DPP6: variants seen among roughly 807,000 people sequenced by gnomAD.
The protein encoded by DPP6 is A-type potassium channel modulatory protein DPP6.
A neutral mutation model predicts 122.6 loss-of-function variants in DPP6; 69 were observed. The observed-to-expected ratio is 0.56, with a 90% CI of 0.46 to 0.69. The LOEUF is 0.69. Ranked by LOEUF, DPP6 falls within the 30% of genes least tolerant of loss-of-function variation. The probability of loss-of-function intolerance (pLI) is 0.00; values close to 1 mark genes in which losing one functional copy is unlikely to be tolerated. For missense variants in DPP6, 928 were observed against 1,116.9 expected, an observed-to-expected ratio of 0.83 and a Z score of 2.41; for synonymous variants, 418 against 433.1, an observed-to-expected ratio of 0.97 and a Z score of 0.43.
chr7:154,064,436 A>G (rs1185641278), intron 1 of DPP6, among the ~76,000 whole-genome samples: 1 of 152,182 alleles, frequency 6.6e-6, no homozygotes, highest in Non-Finnish European at 1.5e-5. Context: ...TGTCTTGGTC[A>G]GTTTTCTTTC....
chr7:154,757,748 C>A (rs2131496441), intron 8 of DPP6, among the ~76,000 whole-genome samples: 1 of 152,326 alleles, frequency 6.6e-6, no homozygotes, highest in East Asian at 1.9e-4. Context: ...TGGAAAATCT[C>A]CGGCACACGG....
intron 1 of DPP6, among the ~76,000 whole-genome samples, chr7:154,013,154 C>G (rs899713940): frequency 1.3e-5 from 2 of 152,232 alleles, no homozygotes; most frequent in Non-Finnish European, 2.9e-5. Context: ...CTCATGCTTC[C>G]CCCTTCACCT....
At chr7:153,762,947 A>T in the DPP6 span, among the ~76,000 whole-genome samples, 1 of 152,174 alleles carries the variant, frequency 6.6e-6, no homozygotes, top group African/African-American at 2.4e-5. Flanking sequence ...TCTTTTGGAA[A>T]CTTGAACAAA....
At chr7:154,200,849 C>A (rs917784190) in intron 1 of DPP6, among the ~76,000 whole-genome samples, 2 of 152,122 alleles carry the variant, frequency 1.3e-5, no homozygotes, top group Non-Finnish European at 2.9e-5. Flanking sequence ...ATTAATTGAA[C>A]AAATGCTGTC....
At chr7:154,130,979 A>G (rs1162458024) in intron 1 of DPP6, among the ~76,000 whole-genome samples, 5 of 152,136 alleles carry the variant, frequency 3.3e-5, no homozygotes, top group Admixed American at 6.5e-5. Flanking sequence ...GTCAACATGA[A>G]CATAAACCAG....
At chr7:154,248,727 G>A (rs1383202306) in intron 1 of DPP6, among the ~76,000 whole-genome samples, 1 of 152,122 alleles carries the variant, frequency 6.6e-6, no homozygotes, top group Non-Finnish European at 1.5e-5. Context: ...CTAGCCGGAT[G>A]TGGTGGTGTG....
At chr7:153,974,630 G>A (rs936726674) in intron 1 of DPP6, among the ~76,000 whole-genome samples, 8 of 152,286 alleles carry the variant, frequency 5.3e-5, no homozygotes, top group African/African-American at 1.9e-4. Context: ...ATTCTCTCCT[G>A]TTGTCTCCAA....
chr7:154,492,587 T>C (rs57451233), intron 3 of DPP6, among the ~76,000 whole-genome samples: 1 of 152,138 alleles, frequency 6.6e-6, no homozygotes, highest in Non-Finnish European at 1.5e-5. Context: ...CCGGGTGTTA[T>C]GAGTACATCA....
At chr7:153,960,666 G>GGTGTGTAT (rs965394915) in intron 1 of DPP6, among the ~76,000 whole-genome samples, 3 of 96,752 alleles carry the variant, frequency 3.1e-5, no homozygotes, top group Non-Finnish European at 6.6e-5. Flanking sequence ...TGTGTGTGCG[G>GGTGTGTAT]GTGTGTATGT....
At chr7:153,980,280 G>A (rs143128804) in intron 1 of DPP6, among the ~76,000 whole-genome samples, 9,008 of 152,134 alleles carry the variant, frequency 0.059, 894 homozygotes, top group African/African-American at 0.2. Context: ...TTGGGAGGGT[G>A]TATGTGTCCA....
In DPP6 at chr7:154,809,101, T is replaced by A. The variant is rs112668820; in HGVS notation, c.1666+1989T>A. 4.4e-3 allele frequency among the ~76,000 whole-genome samples: 668 copies of A among 152,280 alleles called. 2 individuals carry two copies. The highest frequency in any genetic ancestry group is 0.015 in the African/African-American group (631 of 41,570). Reference sequence around the variant, plus strand: ...TTCTTACTATAACCAGCAAGAAGGGTCTGGCTTCTCACCGTTCATGGAAAG... The same window carrying A: ...TTCTTACTATAACCAGCAAGAAGGGACTGGCTTCTCACCGTTCATGGAAAG... On this transcript the variant is annotated intron_variant, in intron 16 of 25. Coordinates refer to ENST00000377770, the MANE Select transcript of DPP6 (RefSeq NM_130797.4).
At chr7:154,059,938 C>A (rs1252097410) in intron 1 of DPP6, among the ~76,000 whole-genome samples, 1 of 152,030 alleles carries the variant, frequency 6.6e-6, no homozygotes. Context: ...AAAACCTGAA[C>A]ATAAAGGGCC....
chr7:153,934,248 C>T (rs377532601), intron 1 of DPP6, among the ~76,000 whole-genome samples: 7 of 152,188 alleles, frequency 4.6e-5, no homozygotes, highest in East Asian at 1.9e-4. Context: ...GGCAGGTGAG[C>T]GAGCTGTGGC....
chr7:154,118,323 T>C (rs1370414478), intron 1 of DPP6, among the ~76,000 whole-genome samples: 1 of 149,480 alleles, frequency 6.7e-6, no homozygotes, highest in Non-Finnish European at 1.5e-5. Flanking sequence ...CATGACAACA[T>C]ATTAGCTTTT....
chr7:153,771,698 C>T, the DPP6 span, among the ~76,000 whole-genome samples: 2 of 152,000 alleles, frequency 1.3e-5, no homozygotes, highest in Admixed American at 6.6e-5. Context: ...GAATTTTATA[C>T]AGAGGGAAAA....
chr7:154,443,521 TGG>T (rs1819567836), intron 1 of DPP6, among the ~76,000 whole-genome samples: 2 of 143,904 alleles, frequency 1.4e-5, no homozygotes, highest in South Asian at 2.1e-4. Context: ...GATGGATGGA[TGG>T]ATGGATGGAT....
the DPP6 span, among the ~76,000 whole-genome samples, chr7:153,767,374 G>A: frequency 6.6e-6 from 1 of 151,748 alleles, no homozygotes; most frequent in African/African-American, 2.4e-5. Context: ...GAAACTTTTT[G>A]TTGTTGTTGT....
At chr7:154,676,678 C>G (rs1193890312) in intron 7 of DPP6, among the ~76,000 whole-genome samples, 2 of 152,208 alleles carry the variant, frequency 1.3e-5, no homozygotes, top group African/African-American at 4.8e-5. Flanking sequence ...TTTAAGGAAC[C>G]AGAGAGACCG....
intron 1 of DPP6, among the ~76,000 whole-genome samples, chr7:154,291,615 G>A (rs1805217726): frequency 6.6e-6 from 1 of 152,198 alleles, no homozygotes; most frequent in African/African-American, 2.4e-5. Context: ...TGCCCTGCTA[G>A]CCACTAACAG....
Sources: gnomAD v4.1 joint callset for allele counts (sites outside exome capture counted in the v4.1 genomes callset) on GRCh38, gnomAD v4.1.1 for gene constraint, MANE v1.5 for transcripts, NCBI Gene and HGNC (gene_info 2026-07-23, HGNC 2026-07-21) for gene names.